The following NDNF variants were observed in gnomAD, a reference collection of about 807,000 sequenced individuals.
The protein encoded by NDNF is neuron derived neurotrophic factor.
In NDNF, 16 loss-of-function variants were observed where a neutral mutation model predicts 42.0. The ratio of observed to expected loss-of-function variants is 0.38; its 90% CI spans 0.26 to 0.58. The LOEUF (loss-of-function observed/expected upper bound fraction) is 0.58. Among genes scored for constraint, NDNF ranks in the 20% least tolerant of loss-of-function variants. The probability of loss-of-function intolerance (pLI) is 0.67; values close to 1 mark genes in which losing one functional copy is unlikely to be tolerated. For missense variants in NDNF, 616 were observed against 666.2 expected, an observed-to-expected ratio of 0.92 and a Z score of 0.83; for synonymous variants, 248 against 251.7, an observed-to-expected ratio of 0.99 and a Z score of 0.14.
At chr4:121,061,533 T>G (rs193058775) in intron 1 of NDNF, 26 of 152,310 alleles carry the variant, frequency 1.7e-4, no homozygotes, top group African/African-American at 6.3e-4. Flanking sequence ...TCCTTCTCTG[T>G]CTCTTCTCTC....
intron 2 of NDNF, among the ~76,000 whole-genome samples, chr4:121,042,422 T>C (rs967560537): frequency 2.0e-5 from 3 of 152,152 alleles, no homozygotes; most frequent in Non-Finnish European, 2.9e-5. Flanking sequence ...AGTGGGGCTG[T>C]GGGCAGACAA....
At chr4:121,071,460 G>A (rs890140856) in intron 1 of NDNF, 25 of 151,508 alleles carry the variant, frequency 1.7e-4, no homozygotes, top group African/African-American at 6.1e-4. Flanking sequence ...TGGACCTCTA[G>A]CTTTTCGCCC....
chr4:121,057,832 T>C (rs764233745), intron 1 of NDNF, among the ~76,000 whole-genome samples: 12 of 152,148 alleles, frequency 7.9e-5, no homozygotes, highest in Non-Finnish European at 1.6e-4. Flanking sequence ...TGCGACAGTG[T>C]GGTGTTTACT....
chr4:121,039,180 GTGTGTGTGTGTGTATATATATATA>G (rs1726942136), intron 3 of NDNF, among the ~76,000 whole-genome samples: 5 of 7,764 alleles, frequency 6.4e-4, no homozygotes, highest in Admixed American at 2.3e-3. Context: ...TAAAGACTAT[GTGTGTGTGTGTGTATATATATATA>G]TATATATATA....
intron 1 of NDNF, among the ~76,000 whole-genome samples, chr4:121,069,511 T>G (rs894034829): frequency 6.6e-6 from 1 of 152,078 alleles, no homozygotes; most frequent in African/African-American, 2.4e-5. Context: ...TATTACAGAG[T>G]TCTAGCTTCT....
intron 1 of NDNF, 74 bp from the exon 2 acceptor site, chr4:121,045,912 G>A: frequency 7.2e-7 from 1 of 1,391,022 alleles, no homozygotes; most frequent in South Asian, 1.5e-5. Flanking sequence ...TTTCTAAAGG[G>A]TTAACACTAT....
At chr4:121,057,706 G>A (rs1331941774) in intron 1 of NDNF, among the ~76,000 whole-genome samples, 1 of 152,228 alleles carries the variant, frequency 6.6e-6, no homozygotes, top group Non-Finnish European at 1.5e-5. Flanking sequence ...TCCACTGAAG[G>A]AAGCAGTTTG....
chr4:121,037,277 T>C lies in NDNF; in HGVS notation c.694A>G (p.Ser232Gly). 6.2e-7 allele frequency: 1 copy of C among 1,614,136 alleles called. No individual in the cohort carries two copies. Among genetic ancestry groups the C allele is most frequent in the Non-Finnish European group, 8.5e-7 (1 of 1,180,020 alleles). Residue 232 changes from serine (S) to glycine (G), a missense_variant, in exon 4 of 4, where the codon AGT (serine) becomes GGT (glycine). Coordinates refer to ENST00000379692, the MANE Select transcript of NDNF (RefSeq NM_024574.4). ...KSLCAVEAKL[S>G]ADDAFMMAPK... ...GCCATCATAAAAGCATCATCTGCACTCAGTTTTGCTTCCACTGCACAGAGA... is the reference window on the plus strand; with the variant it reads ...GCCATCATAAAAGCATCATCTGCACCCAGTTTTGCTTCCACTGCACAGAGA...
chr4:121,061,727 T>C (rs1490595210), intron 1 of NDNF, among the ~76,000 whole-genome samples: 2 of 152,238 alleles, frequency 1.3e-5, no homozygotes, highest in African/African-American at 2.4e-5. Flanking sequence ...CATTTATTCA[T>C]GCATTTATTC....
chr4:121,056,406 G>T (rs2148769222), intron 1 of NDNF, among the ~76,000 whole-genome samples: 1 of 152,264 alleles, frequency 6.6e-6, no homozygotes, highest in South Asian at 2.1e-4. Context: ...TACAGGGCAG[G>T]TCAGCAATCT....
chr4:121,062,775 C>T (rs1394967392), intron 1 of NDNF, among the ~76,000 whole-genome samples: 2 of 151,868 alleles, frequency 1.3e-5, no homozygotes, highest in African/African-American at 4.8e-5. Context: ...GTGAGTGTCG[C>T]GGTCAACAAC....
intron 1 of NDNF, among the ~76,000 whole-genome samples, chr4:121,054,441 C>T (rs1727250690): frequency 6.6e-6 from 1 of 152,144 alleles, no homozygotes; most frequent in African/African-American, 2.4e-5. Context: ...TGACAGGCAA[C>T]ACATAAACAG....
chr4:121,039,907 G>A (rs1344414203), intron 3 of NDNF, 23 bp downstream of exon 3: 1 of 1,605,618 alleles, frequency 6.2e-7, no homozygotes, highest in East Asian at 2.2e-5. Context: ...AAGGTCCAGG[G>A]GCAGATCTAT....
At chr4:121,043,859 A>G (rs1450002696) in intron 2 of NDNF, among the ~76,000 whole-genome samples, 2 of 152,200 alleles carry the variant, frequency 1.3e-5, no homozygotes, top group East Asian at 3.8e-4. Flanking sequence ...TGAAAAGCCA[A>G]ATGTGCCCAG....
intron 1 of NDNF, among the ~76,000 whole-genome samples, chr4:121,058,739 C>G (rs1398388208): frequency 6.6e-6 from 1 of 152,108 alleles, no homozygotes; most frequent in Admixed American, 6.6e-5. Context: ...TCTTTTCTAT[C>G]CAAATTGCCA....
intron 1 of NDNF, among the ~76,000 whole-genome samples, chr4:121,048,211 A>G (rs1160803787): frequency 6.6e-6 from 1 of 152,216 alleles, no homozygotes; most frequent in Non-Finnish European, 1.5e-5. Context: ...GAGGCCAAAT[A>G]AAGAAGAAAA....
At chr4:121,063,892 T>C (rs1727457771) in intron 1 of NDNF, among the ~76,000 whole-genome samples, 2 of 152,380 alleles carry the variant, frequency 1.3e-5, no homozygotes, top group Admixed American at 6.5e-5. Flanking sequence ...GTTTTGTTTC[T>C]GTTTTACCTG....
At chr4:121,039,267 A>T (rs1256448395) in intron 3 of NDNF, among the ~76,000 whole-genome samples, 3 of 142,368 alleles carry the variant, frequency 2.1e-5, no homozygotes, top group East Asian at 4.1e-4. Flanking sequence ...AGTCATTTGT[A>T]GGGCACCCAT....
chr4:121,051,650 T>C (rs530683701), intron 1 of NDNF, among the ~76,000 whole-genome samples: 86 of 152,284 alleles, frequency 5.6e-4, no homozygotes, highest in African/African-American at 1.9e-3. Flanking sequence ...TTTGCAAAAT[T>C]TATCTGCAAT....
Sources: gnomAD v4.1 joint callset for allele counts (sites outside exome capture counted in the v4.1 genomes callset) on GRCh38, gnomAD v4.1.1 for gene constraint, MANE v1.5 for transcripts, NCBI Gene and HGNC (gene_info 2026-07-23, HGNC 2026-07-21) for gene names.